Variants in RNF32 observed in about 807,000 individuals in gnomAD.
The protein encoded by RNF32 is ring finger protein 32.
Under a neutral mutation model 41.0 loss-of-function variants are expected in RNF32, and 36 were observed. That is an observed-to-expected ratio of 0.88 (90% CI 0.67 to 1.16). RNF32 has a LOEUF of 1.16. RNF32 is among the 50% of genes most tolerant of loss of function. The probability of loss-of-function intolerance (pLI) is 0.00; values close to 1 mark genes in which losing one functional copy is unlikely to be tolerated. For synonymous variants in RNF32, 154 were observed against 160.9 expected (o/e 0.96, Z 0.32); for missense variants, 413 against 436.7 (o/e 0.95, Z 0.48).
At chr7:156,676,292 C>A in intron 8 of RNF32, 127 bp from the exon 9 acceptor site, 1 of 1,591,424 alleles carries the variant, frequency 6.3e-7, no homozygotes. Flanking sequence ...GATTTTAACA[C>A]AGAATGAAAC....
At chr7:156,665,012 A>C (rs1801159319) in intron 7 of RNF32, among the ~76,000 whole-genome samples, 1 of 152,232 alleles carries the variant, frequency 6.6e-6, no homozygotes. Context: ...AATCAGATTA[A>C]GATATTTAAA....
At position 156,675,729 on chromosome 7, in the gene RNF32, T is replaced by C. The variant is rs754974929; in HGVS notation, c.718T>C (p.Tyr240His). The C allele has an allele frequency of 1.2e-6, 2 of 1,601,116 alleles. No homozygotes were observed. The highest frequency in any genetic ancestry group is 4.5e-5 in the East Asian group (2 of 44,596). Residue 240 changes from tyrosine to histidine, a missense_variant, in exon 8 of 9, where the codon TAC becomes CAC. By Grantham distance (83) the Tyr-to-His change is moderately conservative (BLOSUM62 2). Coordinates refer to ENST00000317955, the MANE Select transcript of RNF32 (RefSeq NM_030936.4). ...TEISHRILCS[Y>H]NTNIEELFAE... is the part of the protein sequence containing the mutation. ...AATCAGCCACCGCATCCTGTGCTCATACAACACCAACATTGAAGAGCTCTT... is the reference window on the plus strand; with the variant it reads ...AATCAGCCACCGCATCCTGTGCTCACACAACACCAACATTGAAGAGCTCTT...
intron 3 of RNF32, among the ~76,000 whole-genome samples, chr7:156,653,708 T>C (rs1799117477): frequency 6.6e-6 from 1 of 152,216 alleles, no homozygotes; most frequent in South Asian, 2.1e-4. Context: ...TTTTTCAAAG[T>C]GAGTGTTTCC....
At chr7:156,657,367 T>A (rs552451606) in intron 4 of RNF32, 174 bp from the exon 5 acceptor site, 1 of 628,958 alleles carries the variant, frequency 1.6e-6, no homozygotes, top group South Asian at 2.0e-5. Context: ...TTATTTAGAG[T>A]ATATACTTGT....
chr7:156,663,056 G>A (rs541929913), intron 7 of RNF32, among the ~76,000 whole-genome samples: 174 of 152,050 alleles, frequency 1.1e-3, no homozygotes, highest in African/African-American at 4.0e-3. Context: ...GGATGGTCTC[G>A]ATCTCCTGAT....
chr7:156,642,484 CAGG>C (rs889420319), intron 1 of RNF32, among the ~76,000 whole-genome samples: 14 of 152,244 alleles, frequency 9.2e-5, no homozygotes, highest in African/African-American at 3.4e-4. Context: ...TCAAAACAAA[CAGG>C]AGCCACTTCT....
At chr7:156,659,424 C>CA (rs1203810351) in intron 7 of RNF32, 4 of 985,380 alleles carry the variant, frequency 4.1e-6, no homozygotes, top group Non-Finnish European at 4.8e-6. Context: ...GGTAAAGGAC[C>CA]GCCATGCACG....
chr7:156,673,977 C>T (rs1803216492), intron 7 of RNF32, among the ~76,000 whole-genome samples: 2 of 152,012 alleles, frequency 1.3e-5, no homozygotes, highest in African/African-American at 4.8e-5. Flanking sequence ...CCTGGACAGT[C>T]ATGGACCATC....
At chr7:156,667,709 CATAGG>C (rs1169886981) in intron 7 of RNF32, among the ~76,000 whole-genome samples, 6 of 152,122 alleles carry the variant, frequency 3.9e-5, no homozygotes, top group African/African-American at 1.4e-4. Flanking sequence ...AGTAGCTGCC[CATAGG>C]ATAGTACTTT....
intron 7 of RNF32, among the ~76,000 whole-genome samples, chr7:156,671,064 C>A (rs184197974): frequency 2.0e-5 from 3 of 152,240 alleles, no homozygotes; most frequent in Admixed American, 6.5e-5. Context: ...CCAATTTAGA[C>A]CTTAATAATG....
rs750432277 is a variant in RNF32, at chr7:156,658,563, A to G, written c.677A>G (p.Glu226Gly). ...TDAKLRKKFF[E>G]KKFTEISHRI... ...GCCAAGTTAAGAAAAAAATTCTTTG[A>G]AAAAAAGGTAGGTAAAGATCATTAT... Residue 226 changes from glutamate (E) to glycine (G), a missense_variant, in exon 7 of 9, where the codon GAA (glutamate) becomes GGA (glycine). Coordinates refer to ENST00000317955, the MANE Select transcript of RNF32 (RefSeq NM_030936.4). 7 of 1,599,592 alleles carry G rather than the reference A, an allele frequency of 4.4e-6. No individual in the cohort carries two copies. The highest frequency in any genetic ancestry group is 1.3e-5 in the African/African-American group (1 of 74,620).
intron 4 of RNF32, among the ~76,000 whole-genome samples, chr7:156,656,511 G>A (rs1447419632): frequency 1.3e-5 from 2 of 152,182 alleles, no homozygotes; most frequent in Non-Finnish European, 2.9e-5. Flanking sequence ...ATTCAATTCA[G>A]ACTTACTCTT....
chr7:156,650,321 C>T (rs1798551504), intron 3 of RNF32, among the ~76,000 whole-genome samples: 1 of 152,176 alleles, frequency 6.6e-6, no homozygotes, highest in African/African-American at 2.4e-5. Flanking sequence ...GACCTTCCTT[C>T]CGCTTCACCT....
intron 3 of RNF32, among the ~76,000 whole-genome samples, chr7:156,650,330 C>G (rs1316680120): frequency 1.3e-5 from 2 of 152,176 alleles, no homozygotes; most frequent in African/African-American, 4.8e-5. Flanking sequence ...TCCGCTTCAC[C>G]TGAGACGGTC....
chr7:156,673,442 A>G (rs766885394), intron 7 of RNF32, among the ~76,000 whole-genome samples: 1 of 152,250 alleles, frequency 6.6e-6, no homozygotes. Flanking sequence ...AGGAATAAAG[A>G]AAATTAAAAT....
chr7:156,641,786 T>G (rs1797361132), intron 1 of RNF32, among the ~76,000 whole-genome samples: 1 of 152,238 alleles, frequency 6.6e-6, no homozygotes, highest in African/African-American at 2.4e-5. Flanking sequence ...GAGAAAATTC[T>G]GGCAGTGATC....
At chr7:156,650,839 T>G (rs1265329668) in intron 3 of RNF32, among the ~76,000 whole-genome samples, 4 of 152,236 alleles carry the variant, frequency 2.6e-5, no homozygotes, top group Non-Finnish European at 4.4e-5. Context: ...TACTGTTCAT[T>G]TGTTTCTCTG....
At position 156,658,647 on chromosome 7, in the gene RNF32, G is replaced by A. The variant is rs943170433; in HGVS notation, c.684+77G>A. ...ACTTGGGGTCAGGAAGGCTAACAGA[G>A]GTGGTAAAACTTTGAGACTTACTTC... is the stretch of plus-strand genomic sequence containing the variant. On this transcript the variant is annotated intron_variant, in intron 7 of 8. Transcript: ENST00000317955. 9.3e-6 allele frequency: 9 copies of A among 969,650 alleles called. No homozygotes were observed. In the Middle Eastern group the frequency reaches 1.0e-3, roughly 112 times the overall value. The allele number at this position is 969,650 out of a possible 1,614,324, so 60.1% of individuals were successfully genotyped here. A position where few individuals can be genotyped will look rare whatever the true frequency, so the allele number is the denominator to read the frequency against.
intron 1 of RNF32, 28 bp from the exon 2 acceptor site, chr7:156,643,773 T>C: frequency 9.4e-7 from 1 of 1,062,514 alleles, no homozygotes; most frequent in Non-Finnish European, 1.5e-6. Context: ...ACTGTAACTT[T>C]GACTTTCTGT....
Sources: allele counts gnomAD v4.1 joint callset (sites outside exome capture counted in the v4.1 genomes callset), GRCh38; gene constraint gnomAD v4.1.1; transcripts MANE v1.5; gene names NCBI Gene and HGNC (gene_info 2026-07-23, HGNC 2026-07-21).